Variants in KCNMA1 observed in about 807,000 individuals in gnomAD.
KCNMA1 encodes the protein potassium calcium-activated channel subfamily M alpha 1.
KCNMA1 carries 29 observed loss-of-function variants against 140.0 expected under a neutral mutation model. The observed-to-expected ratio is 0.21, with a 90% CI of 0.15 to 0.28. The LOEUF (loss-of-function observed/expected upper bound fraction) is 0.28, where lower values mean the gene tolerates loss of function less well. KCNMA1 is among the 10% of genes least tolerant of loss of function. KCNMA1 has a pLI of 1.00. For missense variants in KCNMA1, 880 were observed against 1,602.2 expected (o/e 0.55, Z 7.70); for synonymous variants, 612 against 611.9 (o/e 1.00, Z 0.00).
chr10:77,366,655 A>T (rs1466987324), intron 2 of KCNMA1, among the ~76,000 whole-genome samples: 1 of 152,110 alleles, frequency 6.6e-6, no homozygotes, highest in African/African-American at 2.4e-5. Flanking sequence ...GATGATGGTG[A>T]TACTGGGGAG....
chr10:77,284,661 A>G (rs1354480427), intron 2 of KCNMA1, among the ~76,000 whole-genome samples: 3 of 152,048 alleles, frequency 2.0e-5, no homozygotes, highest in Non-Finnish European at 4.4e-5. Flanking sequence ...TTACAGGCAC[A>G]TGGCATCACA....
At chr10:77,004,411 T>C (rs2087671448) in intron 18 of KCNMA1, among the ~76,000 whole-genome samples, 1 of 152,156 alleles carries the variant, frequency 6.6e-6, no homozygotes. Flanking sequence ...GCTGGCATAG[T>C]CCATTTCCAT....
intron 5 of KCNMA1, among the ~76,000 whole-genome samples, chr10:77,153,854 G>T (rs1395392248): frequency 6.6e-6 from 1 of 152,190 alleles, no homozygotes; most frequent in East Asian, 1.9e-4. Flanking sequence ...GCTTCTCTCA[G>T]AGGCAGCATT....
chr10:77,318,833 C>T (rs1017039905), intron 2 of KCNMA1, among the ~76,000 whole-genome samples: 7 of 152,124 alleles, frequency 4.6e-5, no homozygotes, highest in Non-Finnish European at 8.8e-5. Context: ...AGACTTCGTT[C>T]CTTGGCTTAG....
intron 1 of KCNMA1, among the ~76,000 whole-genome samples, chr10:77,434,894 A>G (rs942369449): frequency 1.3e-5 from 2 of 152,230 alleles, no homozygotes; most frequent in African/African-American, 4.8e-5. Context: ...CCCTAGCTGC[A>G]TGACTCCTAT....
At chr10:77,626,217 G>GTT (rs369506359) in intron 1 of KCNMA1, among the ~76,000 whole-genome samples, 2 of 145,012 alleles carry the variant, frequency 1.4e-5, no homozygotes, top group Non-Finnish European at 1.5e-5. Flanking sequence ...AAATGATTGG[G>GTT]TTTTTTTTTT....
intron 5 of KCNMA1, among the ~76,000 whole-genome samples, chr10:77,159,675 T>C (rs540706456): frequency 1.3e-5 from 2 of 152,250 alleles, no homozygotes; most frequent in South Asian, 4.1e-4. Flanking sequence ...TCCCCCCTCC[T>C]GTAGCTAACA....
At chr10:77,333,224 C>T (rs1213008292) in intron 2 of KCNMA1, among the ~76,000 whole-genome samples, 2 of 151,792 alleles carry the variant, frequency 1.3e-5, no homozygotes, top group Non-Finnish European at 2.9e-5. Context: ...TATTTTTGGA[C>T]CAAATGGGTG....
chr10:77,369,901 G>T (rs1043933684), intron 2 of KCNMA1, among the ~76,000 whole-genome samples: 1 of 152,186 alleles, frequency 6.6e-6, no homozygotes, highest in Non-Finnish European at 1.5e-5. Context: ...TCACATACCT[G>T]CTGAGTCAAG....
intron 1 of KCNMA1, among the ~76,000 whole-genome samples, chr10:77,519,947 T>A (rs902742835): frequency 6.6e-6 from 1 of 151,130 alleles, no homozygotes; most frequent in African/African-American, 2.4e-5. Context: ...CGTGAGGGTA[T>A]GCAGTGTGAG....
At chr10:77,161,672 T>C (rs958801206) in intron 5 of KCNMA1, among the ~76,000 whole-genome samples, 3 of 152,232 alleles carry the variant, frequency 2.0e-5, no homozygotes, top group Non-Finnish European at 4.4e-5. Flanking sequence ...TGTTTAGAGA[T>C]GTGCATGTAT....
At chr10:77,394,982 T>C (rs1007534531) in intron 2 of KCNMA1, among the ~76,000 whole-genome samples, 3 of 152,210 alleles carry the variant, frequency 2.0e-5, no homozygotes, top group Admixed American at 1.3e-4. Flanking sequence ...CAACTTTGTT[T>C]ATGGACGCTG....
chr10:77,426,124 T>C (rs2096983563), intron 1 of KCNMA1, among the ~76,000 whole-genome samples: 2 of 152,198 alleles, frequency 1.3e-5, no homozygotes, highest in South Asian at 4.1e-4. Flanking sequence ...TTCACCAGAC[T>C]GTAGGACATA....
chr10:76,891,920 G>A (rs1411696368), intron 25 of KCNMA1, among the ~76,000 whole-genome samples: 3 of 152,176 alleles, frequency 2.0e-5, no homozygotes, highest in South Asian at 2.1e-4. Flanking sequence ...GCTCTGCTAC[G>A]ACAGCCTGAC....
At chr10:76,895,135 A>C (rs1261164562) in intron 25 of KCNMA1, among the ~76,000 whole-genome samples, 2 of 152,166 alleles carry the variant, frequency 1.3e-5, no homozygotes, top group Non-Finnish European at 2.9e-5. Context: ...TTACCGGTGC[A>C]TGCCGCCCCT....
chr10:77,244,207 C>A (rs2058036304), intron 3 of KCNMA1, among the ~76,000 whole-genome samples: 1 of 152,192 alleles, frequency 6.6e-6, no homozygotes, highest in Non-Finnish European at 1.5e-5. Flanking sequence ...GGTCGGATGA[C>A]CTTGAGGAGG....
intron 19 of KCNMA1, chr10:76,979,359 A>T (rs572326454): frequency 6.6e-6 from 1 of 152,158 alleles, no homozygotes; most frequent in Non-Finnish European, 1.5e-5. Context: ...CGTGGACTTT[A>T]TTTCACATCC....
chr10:76,958,940 C>T (rs2069615715), intron 20 of KCNMA1, among the ~76,000 whole-genome samples: 1 of 152,170 alleles, frequency 6.6e-6, no homozygotes, highest in Non-Finnish European at 1.5e-5. Flanking sequence ...CTGAAGGCCC[C>T]CGGCTGCCCT....
chr10:77,258,928 A>C (rs1182133443), intron 2 of KCNMA1, among the ~76,000 whole-genome samples: 1 of 152,166 alleles, frequency 6.6e-6, no homozygotes, highest in Non-Finnish European at 1.5e-5. Context: ...ACGCCACTGC[A>C]CTGCAGCCTG....
Sources: gnomAD v4.1 joint callset for allele counts (sites outside exome capture counted in the v4.1 genomes callset) on GRCh38, gnomAD v4.1.1 for gene constraint, MANE v1.5 for transcripts, NCBI Gene and HGNC (gene_info 2026-07-23, HGNC 2026-07-21) for gene names.